DSCAM: variants seen among roughly 807,000 people sequenced by gnomAD.
DSCAM encodes cell adhesion molecule DSCAM.
In DSCAM, 47 loss-of-function variants were observed where a neutral mutation model predicts 217.7. The ratio of observed to expected loss-of-function variants is 0.22; its 90% CI spans 0.17 to 0.28. The LOEUF (loss-of-function observed/expected upper bound fraction) is 0.28. DSCAM is among the 10% of genes least tolerant of loss of function. The probability of loss-of-function intolerance (pLI) is 1.00; values close to 1 mark genes in which losing one functional copy is unlikely to be tolerated. For synonymous variants in DSCAM, 1,056 were observed against 1,015.3 expected (o/e 1.04, Z -0.76); for missense variants, 2,080 against 2,618.3 (o/e 0.79, Z 4.49).
At chr21:40,225,418 C>T (rs1420779243) in intron 11 of DSCAM, among the ~76,000 whole-genome samples, 2 of 152,194 alleles carry the variant, frequency 1.3e-5, no homozygotes, top group Non-Finnish European at 2.9e-5. Flanking sequence ...CCCTTACCCA[C>T]ATTCATTCCC....
rs560303710 is a variant in DSCAM at position 40,662,748 on chromosome 21, AAAG to A, written c.508+30059_508+30061del. The stretch of plus-strand genomic sequence containing the variant: ...CTTCCCTGCTCCCTGCCAGGCAAAG[AAAG>A]AAGGAGAAGTCGGCTTCTGCCACCA... On this transcript the variant is annotated intron_variant, in intron 3 of 32. Transcript: ENST00000400454. Among the ~76,000 whole-genome samples, 299 of 152,294 alleles carry A rather than the reference AAAG, an allele frequency of 2.0e-3. 3 individuals carry two copies. The highest frequency in any genetic ancestry group is 2.7e-3 in the Non-Finnish European group (181 of 68,028).
intron 3 of DSCAM, among the ~76,000 whole-genome samples, chr21:40,670,352 A>G (rs113594908): frequency 0.043 from 6,294 of 147,026 alleles, 349 homozygotes; most frequent in African/African-American, 0.13. Flanking sequence ...CCTGGCCAAC[A>G]TGGTGAAGCC....
chr21:40,089,815 C>T (rs2089582006), intron 21 of DSCAM, among the ~76,000 whole-genome samples: 1 of 152,124 alleles, frequency 6.6e-6, no homozygotes, highest in African/African-American at 2.4e-5. Flanking sequence ...GAAAACCTAC[C>T]TACAGCAATC....
chr21:40,502,036 A>T (rs1244820420), intron 3 of DSCAM, among the ~76,000 whole-genome samples: 1 of 152,198 alleles, frequency 6.6e-6, no homozygotes, highest in Non-Finnish European at 1.5e-5. Context: ...CATACCCTCT[A>T]TGCATAAAAT....
rs937530832 is a variant in DSCAM at position 40,208,137 on chromosome 21, A to C, written c.2357-18899T>G. 2.0e-5 allele frequency among the ~76,000 whole-genome samples: 3 copies of C among 152,200 alleles called. No homozygotes were observed. In the South Asian group the frequency reaches 6.2e-4, roughly 32 times the overall value. On this transcript the variant is annotated intron_variant, in intron 11 of 32. Coordinates refer to ENST00000400454, the MANE Select transcript of DSCAM (RefSeq NM_001389.5). ...AATAGATTTAGTGTATGTTCCCATC[A>C]ACAAATATTCCTGGTTCAAATTTGA...
At chr21:40,143,649 G>A (rs1225070751) in intron 17 of DSCAM, among the ~76,000 whole-genome samples, 2 of 152,194 alleles carry the variant, frequency 1.3e-5, no homozygotes, top group Non-Finnish European at 2.9e-5. Flanking sequence ...AAATTAGCCA[G>A]GCGTGGTGGC....
At chr21:40,381,653 A>T (rs2075026874) in intron 3 of DSCAM, among the ~76,000 whole-genome samples, 1 of 152,220 alleles carries the variant, frequency 6.6e-6, no homozygotes. Flanking sequence ...TGTCTACCTG[A>T]TACAGATGGC....
At chr21:40,761,281 G>A (rs906500990) in intron 1 of DSCAM, among the ~76,000 whole-genome samples, 2 of 152,134 alleles carry the variant, frequency 1.3e-5, no homozygotes, top group Admixed American at 1.3e-4. Flanking sequence ...TTAGGAGAGA[G>A]TCTGTTTCCT....
At chr21:40,370,416 A>G (rs2074883640) in intron 3 of DSCAM, among the ~76,000 whole-genome samples, 1 of 152,180 alleles carries the variant, frequency 6.6e-6, no homozygotes, top group African/African-American at 2.4e-5. Flanking sequence ...AAAAGACTAA[A>G]ATGCCAAATA....
chr21:40,573,453 C>G (rs1202862365), intron 3 of DSCAM, among the ~76,000 whole-genome samples: 1 of 151,918 alleles, frequency 6.6e-6, no homozygotes, highest in Non-Finnish European at 1.5e-5. Context: ...AGAAAAACCA[C>G]AGGGAAAAAT....
In DSCAM at chr21:40,036,191, C is replaced by G. The variant is rs1047073262; in HGVS notation, c.5686+6180G>C. 1.2e-4 allele frequency among the ~76,000 whole-genome samples: 17 copies of G among 145,780 alleles called. 1 individual carries two copies. Among genetic ancestry groups the G allele is most frequent in the African/African-American group, 4.6e-4 (17 of 37,316 alleles). ...AGAGCAGAACTGAAGGAAATAGAGACACAAAAAACCCTTCAAAAAATTAAT... is the reference window on the plus strand; with the variant it reads ...AGAGCAGAACTGAAGGAAATAGAGAGACAAAAAACCCTTCAAAAAATTAAT... On this transcript the variant is annotated intron_variant, in intron 32 of 32. Transcript: ENST00000400454.
intron 1 of DSCAM, among the ~76,000 whole-genome samples, chr21:40,727,432 AT>A (rs1183957032): frequency 2.6e-5 from 4 of 152,238 alleles, no homozygotes; most frequent in Admixed American, 2.6e-4. Flanking sequence ...ATACTCAAAA[AT>A]ATCCTTAAAA....
At chr21:40,323,907 C>G (rs2074287229) in intron 8 of DSCAM, among the ~76,000 whole-genome samples, 1 of 151,622 alleles carries the variant, frequency 6.6e-6, no homozygotes, top group African/African-American at 2.4e-5. Context: ...AGTTTGAGGC[C>G]AGCCTGGCCA....
intron 3 of DSCAM, among the ~76,000 whole-genome samples, chr21:40,649,271 G>A (rs1442286728): frequency 6.6e-6 from 1 of 152,122 alleles, no homozygotes; most frequent in South Asian, 2.1e-4. Flanking sequence ...CCCCCACCCT[G>A]TTGGGTTGTC....
intron 18 of DSCAM, among the ~76,000 whole-genome samples, chr21:40,137,697 A>G (rs1205366654): frequency 1.3e-5 from 2 of 152,118 alleles, no homozygotes; most frequent in Non-Finnish European, 2.9e-5. Flanking sequence ...AAAATTAAAA[A>G]AATATATAAA....
intron 3 of DSCAM, among the ~76,000 whole-genome samples, chr21:40,641,884 C>T (rs537849919): frequency 6.6e-6 from 1 of 152,084 alleles, no homozygotes; most frequent in East Asian, 1.9e-4. Flanking sequence ...CCCGTCTCTA[C>T]TAAAAATACA....
At chr21:40,709,746 G>C (rs569399637) in intron 1 of DSCAM, among the ~76,000 whole-genome samples, 2 of 152,236 alleles carry the variant, frequency 1.3e-5, no homozygotes, top group African/African-American at 2.4e-5. Flanking sequence ...TCATTGATGG[G>C]CATTTGGGTT....
intron 3 of DSCAM, among the ~76,000 whole-genome samples, chr21:40,478,678 C>T (rs975518347): frequency 1.2e-4 from 18 of 152,140 alleles, no homozygotes; most frequent in Admixed American, 1.2e-3. Flanking sequence ...ACTGTTATTA[C>T]TGCTACTACC....
At chr21:40,376,716 A>C (rs1188659147) in intron 3 of DSCAM, among the ~76,000 whole-genome samples, 1 of 145,062 alleles carries the variant, frequency 6.9e-6, no homozygotes, top group Non-Finnish European at 1.5e-5. Flanking sequence ...ATAGATATCT[A>C]TATATCATAT....
Sources: allele counts gnomAD v4.1 joint callset (sites outside exome capture counted in the v4.1 genomes callset), GRCh38; gene constraint gnomAD v4.1.1; transcripts MANE v1.5; gene names NCBI Gene and HGNC (gene_info 2026-07-23, HGNC 2026-07-21).